Variants in DVL2 observed in about 807,000 individuals in gnomAD.
The protein encoded by DVL2 is segment polarity protein dishevelled homolog DVL-2.
DVL2 carries 38 observed loss-of-function variants against 69.8 expected under a neutral mutation model. That is an observed-to-expected ratio of 0.54 (90% CI 0.42 to 0.71). The LOEUF is 0.71. Ranked by LOEUF, DVL2 falls within the 30% of genes least tolerant of loss-of-function variation. The pLI, the probability that DVL2 is intolerant of heterozygous loss-of-function variation, is 0.00. For synonymous variants in DVL2, 428 were observed against 392.4 expected (o/e 1.09, Z -1.07); for missense variants, 931 against 1,008.1 (o/e 0.92, Z 1.04).
chr17:7,232,082 G>A (rs981248902), intron 1 of DVL2, among the ~76,000 whole-genome samples: 8 of 152,150 alleles, frequency 5.3e-5, no homozygotes, highest in Non-Finnish European at 1.0e-4. Context: ...GACCGGACTT[G>A]CCCCTTCTTC....
Position 7,229,076 on chromosome 17 carries a change from C to T in DVL2, c.958-31G>A, listed in dbSNP as rs73976750. The T allele has an allele frequency of 3.5e-4, 563 of 1,614,140 alleles. 1 individual carries two copies. The African/African-American group carries it at 5.5e-3, about 16-fold the overall frequency. On this transcript the variant is annotated intron_variant, in intron 8 of 14. Coordinates refer to ENST00000005340, the MANE Select transcript of DVL2 (RefSeq NM_004422.3). The surrounding 1 kb of genome is among the most constrained non-coding windows in gnomAD (Gnocchi z 4.4). ...AGCGACGGCAAGTGGGTCAGAGACA[C>T]GGTGGGAGAGGCTGAGGGCCCCCGT...
Position 7,227,093 on chromosome 17 carries a change from T to C in DVL2, c.1540A>G (p.Ser514Gly). ...VFGDLSGGCE[S>G]YLVNLSLNDN... ...GAGTTGGGGCAGGGGGACTTACAGC[T>C]CTCACAGCCACCACTGAGGTCTCCG... The change falls in exon 13 of 15, where the codon AGC becomes GGC. Residue 514 changes from serine (S) to glycine (G), a missense_variant. This residue lies in a region of DVL2 where 314 missense variants were observed against 313.7 expected (regional missense o/e 1.00). Coordinates refer to ENST00000005340, the MANE Select transcript of DVL2 (RefSeq NM_004422.3). 1 of 1,606,982 alleles carries C rather than the reference T, an allele frequency of 6.2e-7. No individual in the cohort carries two copies. The highest frequency in any genetic ancestry group is 1.7e-5 in the Admixed American group (1 of 59,150).
At position 7,229,172 on chromosome 17, in the gene DVL2, G is replaced by A; in HGVS notation, c.920C>T (p.Ala307Val). The A allele has an allele frequency of 3.7e-6, 6 of 1,614,196 alleles. No homozygotes were observed. Among genetic ancestry groups the A allele is most frequent in the African/African-American group, 1.3e-5 (1 of 75,054 alleles). The change falls in exon 8 of 15, where the codon GCC becomes GTC. Residue 307 changes from alanine to valine, a missense_variant. Around this residue, in one of 3 missense-constraint regions of DVL2, gnomAD observed 555 missense variants for 588.8 expected, o/e 0.94. Transcript: ENST00000005340. This position sits in a 1 kb window ranked among gnomAD's most constrained non-coding sequence, Gnocchi z 4.4. ...GTCCCCTGGCTCAATGCGCCCGTCGGCCGCCACAGCCCCACCCTTCATGAT... is the reference window on the plus strand; with the variant it reads ...GTCCCCTGGCTCAATGCGCCCGTCGACCGCCACAGCCCCACCCTTCATGAT... ...GSIMKGGAVA[A>V]DGRIEPGDML...
Position 7,227,748 on chromosome 17 carries a change from C to A in DVL2, c.1138G>T (p.Val380Leu). Residue 380 changes from valine (V) to leucine (L), a missense_variant, in exon 11 of 15, where the codon GTG becomes TTG. This residue lies in a region of DVL2 where 555 missense variants were observed against 588.8 expected (regional missense o/e 0.94). Transcript: ENST00000005340. ...PIQPIDPAAW[V>L]SHSAALTGTF... is the part of the protein sequence containing the mutation. ...CCAGTCAGAGCCGCGGAATGGGACA[C>A]CCAGGCAGCAGGGTCAATTGGCTGG... 1 of 1,594,200 alleles carries A rather than the reference C, an allele frequency of 6.3e-7. No individual in the cohort carries two copies. Among genetic ancestry groups the A allele is most frequent in the South Asian group, 1.1e-5 (1 of 88,692 alleles).
At position 7,226,112 on chromosome 17, in the gene DVL2, G is replaced by T; in HGVS notation, c.1964C>A (p.Ala655Asp). ...CCCTGGGTGGGCTCGGAGATTAGGG[G>T]CACCCCCAGTTGAGCCTCTGGATGG... ...PPPSRGSTGGAPNLRAHPGLH... is the reference protein window; with the variant it reads ...PPPSRGSTGGDPNLRAHPGLH... Residue 655 changes from alanine to aspartate, a missense_variant, in exon 15 of 15, where the codon GCC becomes GAC. Transcript: ENST00000005340. 6.3e-7 allele frequency: 1 copy of T among 1,596,900 alleles called. No individual in the cohort carries two copies. The highest frequency in any genetic ancestry group is 8.5e-7 in the Non-Finnish European group (1 of 1,170,672).
rs1221916447 is a variant in DVL2 at position 7,227,129 on chromosome 17, A to G, written c.1504T>C (p.Tyr502His). ...VNKITFSEQC[Y>H]YVFGDLSGGC... Reference sequence around the variant, plus strand: ...CCACTGAGGTCTCCGAAGACGTAATAGCACTGCTCAGAGAAGGTGATCTTG... The same window carrying G: ...CCACTGAGGTCTCCGAAGACGTAATGGCACTGCTCAGAGAAGGTGATCTTG... The change falls in exon 13 of 15, where the codon TAT becomes CAT. Residue 502 changes from tyrosine (Y) to histidine (H), a missense_variant. This residue lies in a region of DVL2 where 62 missense variants were observed against 105.7 expected (regional missense o/e 0.59). Coordinates refer to ENST00000005340, the MANE Select transcript of DVL2 (RefSeq NM_004422.3). 1 of 1,613,946 alleles carries G rather than the reference A, an allele frequency of 6.2e-7. No individual in the cohort carries two copies. The highest frequency in any genetic ancestry group is 8.5e-7 in the Non-Finnish European group (1 of 1,179,968).
chr17:7,232,137 A>G (rs902716491), intron 1 of DVL2, among the ~76,000 whole-genome samples: 2 of 152,176 alleles, frequency 1.3e-5, no homozygotes, highest in African/African-American at 4.8e-5. Flanking sequence ...GGTCAACACC[A>G]TGTCCTAGCC....
Position 7,228,062 on chromosome 17 carries a change from C to A in DVL2, c.1035-18G>T. On this transcript the variant is annotated intron_variant, in intron 9 of 14. Transcript: ENST00000005340. The stretch of plus-strand genomic sequence containing the variant: ...CAATGGGGCTATGGGGAAGAGAAGT[C>A]CAGTCAAGGGCGCAGGGGAAGAGGA... 1 of 1,525,956 alleles carries A rather than the reference C, an allele frequency of 6.6e-7. No individual in the cohort carries two copies. The highest frequency in any genetic ancestry group is 1.3e-5 in the South Asian group (1 of 76,006). The allele number at this position is 1,525,956 out of a possible 1,614,324, so 94.5% of individuals were successfully genotyped here. A position where few individuals can be genotyped will look rare whatever the true frequency, so the allele number is the denominator to read the frequency against.
intron 1 of DVL2, chr17:7,233,863 G>A: frequency 1.6e-6 from 1 of 636,698 alleles, no homozygotes; most frequent in East Asian, 2.7e-5. Flanking sequence ...ATCTGGTTTA[G>A]GATATCCTAG....
Position 7,229,970 on chromosome 17 carries a change from C to T in DVL2, c.521-27G>A, listed in dbSNP as rs762868370. On this transcript the variant is annotated intron_variant, in intron 4 of 14. Transcript: ENST00000005340. This position sits in a 1 kb window ranked among gnomAD's most constrained non-coding sequence, Gnocchi z 4.4. ...TACATATGGACAGGAAGCTCAAGAACCAAGCTTCCCCCTGCTCACCCCACC... is the reference window on the plus strand; with the variant it reads ...TACATATGGACAGGAAGCTCAAGAATCAAGCTTCCCCCTGCTCACCCCACC... 1 of 1,608,542 alleles carries T rather than the reference C, an allele frequency of 6.2e-7. No individual in the cohort carries two copies. The highest frequency in any genetic ancestry group is 1.1e-5 in the South Asian group (1 of 91,050).
At chr17:7,230,595 C>T (rs2071528088) in intron 2 of DVL2, 133 bp downstream of exon 2, 1 of 1,322,764 alleles carries the variant, frequency 7.6e-7, no homozygotes, top group Non-Finnish European at 1.0e-6. Context: ...CTCTCGCCGG[C>T]TCTCCAAACA....
At position 7,225,969 on chromosome 17, in the gene DVL2, G is replaced by C; in HGVS notation, c.2107C>G (p.Pro703Ala). ...PPAVQPPGAPPVRDLGSVPPE... is the reference protein window; with the variant it reads ...PPAVQPPGAPAVRDLGSVPPE... Reference sequence around the variant, plus strand: ...GGCACAGAGCCCAGGTCTCTGACTGGAGGGGCCCCCGGAGGCTGCACTGCT... The same window carrying C: ...GGCACAGAGCCCAGGTCTCTGACTGCAGGGGCCCCCGGAGGCTGCACTGCT... Residue 703 changes from proline to alanine, a missense_variant, in exon 15 of 15, where the codon CCA becomes GCA. By Grantham distance (27) the Pro-to-Ala change is conservative. Transcript: ENST00000005340. The C allele has an allele frequency of 6.2e-7, 1 of 1,613,852 alleles. No individual in the cohort carries two copies. Among genetic ancestry groups the C allele is most frequent in the South Asian group, 1.1e-5 (1 of 91,092 alleles).
rs760151315 is a variant in DVL2 at position 7,234,312 on chromosome 17, G to T, written c.-50C>A. 2.6e-6 allele frequency: 4 copies of T among 1,566,748 alleles called. No homozygotes were observed. Among genetic ancestry groups the T allele is most frequent in the African/African-American group, 2.7e-5 (2 of 73,470 alleles). ...TCCACCGCCCACCCAAAGGGCTAAT[G>T]GCCCCTGCCGCGCCTGCGCACACCC... On this transcript the variant is annotated 5_prime_UTR_variant, in exon 1 of 15. Coordinates refer to ENST00000005340, the MANE Select transcript of DVL2 (RefSeq NM_004422.3).
intron 4 of DVL2, 38 bp downstream of exon 4, chr17:7,230,008 T>A: frequency 6.2e-7 from 1 of 1,611,974 alleles, no homozygotes; most frequent in Non-Finnish European, 8.5e-7. Context: ...GGCTGGGGTC[T>A]GGCCCAGCCC....
At chr17:7,228,144 G>A (rs1006291277) in intron 9 of DVL2, 100 bp from the exon 10 acceptor site, 10 of 1,003,348 alleles carry the variant, frequency 1.0e-5, no homozygotes, top group African/African-American at 8.1e-5. Context: ...CAAAGAGGGG[G>A]AGAAGCAAGC....
chr17:7,228,153 G>T, intron 9 of DVL2, 109 bp from the exon 10 acceptor site: 3 of 882,278 alleles, frequency 3.4e-6, no homozygotes, highest in Non-Finnish European at 5.3e-6. Context: ...GGAGAAGCAA[G>T]CACATCGCGG....
In DVL2 at chr17:7,226,527, G is replaced by C. The variant is rs2071452362; in HGVS notation, c.1656C>G (p.Ser552=). 3 of 1,608,302 alleles carry C rather than the reference G, an allele frequency of 1.9e-6. No homozygotes were observed. The highest frequency in any genetic ancestry group is 1.7e-5 in the Admixed American group (1 of 59,022). Residue 552 remains serine (S), a synonymous_variant, in exon 14 of 15, where the codon TCC becomes TCG. Coordinates refer to ENST00000005340, the MANE Select transcript of DVL2 (RefSeq NM_004422.3). ...AGGGGTGTGGGGCAGGGTATTGGTA[G>C]GAGAAAGTGGGCAGCAGGGGCCAGG... ...ATPWPLLPTF[S]YQYPAPHPYS...
At position 7,234,498 on chromosome 17, in the gene DVL2, C is replaced by A; in HGVS notation, c.-236G>T. The A allele has an allele frequency of 1.9e-6, 1 of 535,300 alleles. No homozygotes were observed. The highest frequency in any genetic ancestry group is 3.2e-6 in the Non-Finnish European group (1 of 309,272). 33.2% of individuals were successfully genotyped at this position (535,300 alleles called of 1,614,324 possible). A position where few individuals can be genotyped will look rare whatever the true frequency, so the allele number is the denominator to read the frequency against. On this transcript the variant is annotated 5_prime_UTR_variant, in exon 1 of 15. Coordinates refer to ENST00000005340, the MANE Select transcript of DVL2 (RefSeq NM_004422.3). ...CCGCGCGCCACCGCCACCGACGCCG[C>A]GAGCTTCCTCCAGGTACCCGCCCAC...
In DVL2 at chr17:7,230,122, C is replaced by A; in HGVS notation, c.444G>T (p.Glu148Asp). The stretch of plus-strand genomic sequence containing the variant: ...CTACTGACTCGGTTTCTGTCTCAGG[C>A]TCCAGATTCTCATGGCTGCTGGACA... ...PNVSSSHENL[E>D]PETETESVVS... Residue 148 changes from glutamate to aspartate, a missense_variant, in exon 4 of 15, where the codon GAG becomes GAT. This residue lies in a region of DVL2 where 555 missense variants were observed against 588.8 expected (regional missense o/e 0.94). Transcript: ENST00000005340. The A allele has an allele frequency of 6.2e-7, 1 of 1,614,190 alleles. No individual in the cohort carries two copies. The highest frequency in any genetic ancestry group is 1.1e-5 in the South Asian group (1 of 91,078).
Sources: allele counts gnomAD v4.1 joint callset (sites outside exome capture counted in the v4.1 genomes callset), GRCh38; gene constraint gnomAD v4.1.1; regional missense constraint gnomAD v4.1.1; non-coding constraint Gnocchi (gnomAD v3.1); transcripts MANE v1.5; gene names NCBI Gene and HGNC (gene_info 2026-07-23, HGNC 2026-07-21).